Variants in RAB28 observed in about 807,000 individuals in gnomAD.
RAB28 encodes the protein RAB28, member RAS oncogene family.
RAB28 carries 24 observed loss-of-function variants against 31.7 expected under a neutral mutation model. The observed-to-expected ratio is 0.76, with a 90% CI of 0.55 to 1.06. The LOEUF (loss-of-function observed/expected upper bound fraction) is 1.06, where lower values mean the gene tolerates loss of function less well. RAB28 is among the 50% of genes least tolerant of loss of function. RAB28 has a pLI of 0.00. For synonymous variants in RAB28, 100 were observed against 90.4 expected (o/e 1.11, Z -0.60); for missense variants, 254 against 258.5 (o/e 0.98, Z 0.12).
chr4:13,480,249 T>C (rs1236083973), intron 1 of RAB28, among the ~76,000 whole-genome samples: 4 of 151,778 alleles, frequency 2.6e-5, no homozygotes, highest in Non-Finnish European at 4.4e-5. Flanking sequence ...CTCTGGAGTT[T>C]TCTTTTTAAA....
chr4:13,452,853 A>C (rs1441800602), intron 4 of RAB28, among the ~76,000 whole-genome samples: 1 of 152,092 alleles, frequency 6.6e-6, no homozygotes, highest in Non-Finnish European at 1.5e-5. Flanking sequence ...TTGTCTGTCC[A>C]ATGCTGAGAG....
intron 4 of RAB28, among the ~76,000 whole-genome samples, chr4:13,453,342 T>C (rs1487513904): frequency 1.3e-5 from 2 of 152,154 alleles, no homozygotes; most frequent in African/African-American, 4.8e-5. Context: ...TGTATACCCT[T>C]TGTTCCTTAC....
intron 4 of RAB28, among the ~76,000 whole-genome samples, chr4:13,422,276 A>G (rs972231947): frequency 2.6e-5 from 4 of 152,232 alleles, no homozygotes; most frequent in Admixed American, 2.6e-4. Context: ...GTGGAGAAAT[A>G]GGAACGCTTT....
At chr4:13,432,385 A>C (rs1340048203) in intron 4 of RAB28, among the ~76,000 whole-genome samples, 5 of 152,174 alleles carry the variant, frequency 3.3e-5, no homozygotes, top group African/African-American at 1.2e-4. Flanking sequence ...TTATTCAGGA[A>C]AATTTCCCTA....
At chr4:13,384,929 G>A (rs981090929) in intron 4 of RAB28, among the ~76,000 whole-genome samples, 2 of 152,178 alleles carry the variant, frequency 1.3e-5, no homozygotes, top group Non-Finnish European at 2.9e-5. Flanking sequence ...TGAGATGCAG[G>A]AGTATGTTGA....
At chr4:13,371,079 G>C (rs1358240712) in intron 6 of RAB28, 1 of 984,546 alleles carries the variant, frequency 1.0e-6, no homozygotes, top group African/African-American at 1.7e-5. Flanking sequence ...AATATGAGCT[G>C]CTGTGTGTGA....
chr4:13,394,405 T>C (rs1443327240), intron 4 of RAB28, among the ~76,000 whole-genome samples: 1 of 152,150 alleles, frequency 6.6e-6, no homozygotes, highest in East Asian at 1.9e-4. Flanking sequence ...CACGCTCCTA[T>C]GAGAATCTAA....
At chr4:13,432,630 C>T (rs1292317265) in intron 4 of RAB28, among the ~76,000 whole-genome samples, 1 of 152,096 alleles carries the variant, frequency 6.6e-6, no homozygotes, top group East Asian at 1.9e-4. Context: ...AGACTGGGGC[C>T]TATTTTTAGA....
intron 3 of RAB28, among the ~76,000 whole-genome samples, chr4:13,462,306 T>C (rs1380049068): frequency 6.6e-6 from 1 of 152,032 alleles, no homozygotes; most frequent in African/African-American, 2.4e-5. Context: ...CTGAACAGAG[T>C]TGGGGAGGTC....
At chr4:13,416,007 A>T (rs1560283843) in intron 4 of RAB28, among the ~76,000 whole-genome samples, 1 of 151,916 alleles carries the variant, frequency 6.6e-6, no homozygotes. Flanking sequence ...GTATCTAGCT[A>T]CTCTGTTAGG....
intron 4 of RAB28, among the ~76,000 whole-genome samples, chr4:13,436,331 A>G (rs1714105686): frequency 6.6e-6 from 1 of 152,196 alleles, no homozygotes; most frequent in South Asian, 2.1e-4. Context: ...CTCCTATTCA[A>G]CATAATACTG....
chr4:13,409,975 G>A (rs1245934564), intron 4 of RAB28, among the ~76,000 whole-genome samples: 1 of 151,962 alleles, frequency 6.6e-6, no homozygotes, highest in Non-Finnish European at 1.5e-5. Flanking sequence ...TAATAGTTTA[G>A]CACCATCCCC....
At chr4:13,431,776 A>C (rs1713818598) in intron 4 of RAB28, among the ~76,000 whole-genome samples, 1 of 152,150 alleles carries the variant, frequency 6.6e-6, no homozygotes, top group South Asian at 2.1e-4. Flanking sequence ...TCAAGGAAAA[A>C]AAGAATTAAA....
intron 4 of RAB28, chr4:13,459,754 G>A (rs916668499): frequency 1.0e-5 from 11 of 1,079,572 alleles, no homozygotes; most frequent in Admixed American, 4.7e-5. Flanking sequence ...ACAGGAGCAA[G>A]AAACAATGCA....
At chr4:13,410,163 T>G (rs567922261) in intron 4 of RAB28, among the ~76,000 whole-genome samples, 214 of 152,306 alleles carry the variant, frequency 1.4e-3, no homozygotes, top group African/African-American at 4.9e-3. Context: ...TACGGGACTT[T>G]GAGTCTATTA....
At position 13,367,820 on chromosome 4, in the gene RAB28, C is replaced by T; in HGVS notation, c.*738G>A. ...ACTCATTCTCGGGAGTACTCTTATG[C>T]AGTTTGCAAGAGAAATTCCACGTGG... On this transcript the variant is annotated 3_prime_UTR_variant, in exon 7 of 7. Coordinates refer to ENST00000330852, the MANE Select transcript of RAB28 (RefSeq NM_001017979.3). The T allele has an allele frequency of 1.0e-6, 1 of 984,742 alleles. No homozygotes were observed. The highest frequency in any genetic ancestry group is 1.2e-6 in the Non-Finnish European group (1 of 829,366). 61.0% of individuals were successfully genotyped at this position (984,742 alleles called of 1,614,324 possible).
rs147604105 is a variant in RAB28, at chr4:13,369,734, C to T, written c.574-1084G>A. 6,043 of 835,246 alleles carry T rather than the reference C, an allele frequency of 7.2e-3. 33 individuals carry two copies. Among genetic ancestry groups the T allele is most frequent in the Middle Eastern group, 0.014 (58 of 4,174 alleles). The allele number at this position is 835,246 out of a possible 1,614,324, so 51.7% of individuals were successfully genotyped here. On this transcript the variant is annotated intron_variant, in intron 6 of 6. Coordinates refer to ENST00000330852, the MANE Select transcript of RAB28 (RefSeq NM_001017979.3). Reference sequence around the variant, plus strand: ...CCAATTTTTTAGTTCTAAATCAAGACGTAGACGTGATATTAACTTCCAATA... The same window carrying T: ...CCAATTTTTTAGTTCTAAATCAAGATGTAGACGTGATATTAACTTCCAATA...
intron 4 of RAB28, among the ~76,000 whole-genome samples, chr4:13,399,440 T>C (rs534682849): frequency 1.9e-3 from 294 of 152,340 alleles, no homozygotes; most frequent in African/African-American, 6.8e-3. Flanking sequence ...ATAATATGCC[T>C]AGCTGTCTAA....
At chr4:13,383,922 C>T (rs529635530) in intron 4 of RAB28, among the ~76,000 whole-genome samples, 4 of 152,302 alleles carry the variant, frequency 2.6e-5, no homozygotes, top group African/African-American at 9.6e-5. Context: ...CTGCCCTCTC[C>T]TGAGGTCCCA....
Sources: allele counts gnomAD v4.1 joint callset (sites outside exome capture counted in the v4.1 genomes callset), GRCh38; gene constraint gnomAD v4.1.1; transcripts MANE v1.5; gene names NCBI Gene and HGNC (gene_info 2026-07-23, HGNC 2026-07-21).